The following PTPRQ variants were observed in gnomAD, a reference collection of about 807,000 sequenced individuals.
The protein encoded by PTPRQ is phosphatidylinositol phosphatase PTPRQ.
In PTPRQ, 199 loss-of-function variants were observed where a neutral mutation model predicts 246.0. The ratio of observed to expected loss-of-function variants is 0.81; its 90% CI spans 0.72 to 0.91. The LOEUF is 0.91. Among genes scored for constraint, PTPRQ ranks in the 40% least tolerant of loss-of-function variants. The pLI, the probability that PTPRQ is intolerant of heterozygous loss-of-function variation, is 0.00. For synonymous variants in PTPRQ, 869 were observed against 853.2 expected (o/e 1.02, Z -0.32); for missense variants, 2,624 against 2,528.4 (o/e 1.04, Z -0.81).
chr12:80,568,076 G>T (rs1240708059), intron 25 of PTPRQ, among the ~76,000 whole-genome samples: 1 of 152,106 alleles, frequency 6.6e-6, no homozygotes, highest in Non-Finnish European at 1.5e-5. Context: ...ACTAAAAAAT[G>T]ATTATAGAAA....
At chr12:80,659,010 T>C (rs1367201937) in intron 39 of PTPRQ, among the ~76,000 whole-genome samples, 1 of 152,034 alleles carries the variant, frequency 6.6e-6, no homozygotes, top group Non-Finnish European at 1.5e-5. Context: ...CTAAATCTGA[T>C]ATTGGTTGAT....
intron 30 of PTPRQ, among the ~76,000 whole-genome samples, chr12:80,618,564 T>C (rs1898855763): frequency 6.6e-6 from 1 of 151,612 alleles, no homozygotes; most frequent in Non-Finnish European, 1.5e-5. Context: ...GTTCTAGAAA[T>C]TCTGCTCTTA....
At chr12:80,678,273 A>G (rs932674693) in intron 43 of PTPRQ, among the ~76,000 whole-genome samples, 1 of 152,198 alleles carries the variant, frequency 6.6e-6, no homozygotes, top group African/African-American at 2.4e-5. Context: ...GAATTTACCA[A>G]TTAGGTCTAA....
chr12:80,525,674 CTCTCTCTG>C (rs1895663747), intron 17 of PTPRQ, among the ~76,000 whole-genome samples: 1 of 151,920 alleles, frequency 6.6e-6, no homozygotes, highest in Non-Finnish European at 1.5e-5. Flanking sequence ...CTCTCTCTCT[CTCTCTCTG>C]TCTCTGTCAC....
chr12:80,569,265 T>C (rs954426344), intron 25 of PTPRQ, among the ~76,000 whole-genome samples: 3 of 151,502 alleles, frequency 2.0e-5, no homozygotes, highest in African/African-American at 7.3e-5. Context: ...TCCAATTTCA[T>C]CCATGTCCCT....
intron 35 of PTPRQ, among the ~76,000 whole-genome samples, chr12:80,642,942 A>C (rs28716619): frequency 6.6e-6 from 1 of 150,516 alleles, no homozygotes; most frequent in Non-Finnish European, 1.5e-5. Context: ...AAAAAAAAAA[A>C]AAAACAATTG....
In PTPRQ at chr12:80,468,814, A is replaced by G. The variant is rs1245108213; in HGVS notation, c.1015A>G (p.Arg339Gly). The G allele has an allele frequency of 3.7e-5, 57 of 1,549,606 alleles. No individual in the cohort carries two copies. The highest frequency in any genetic ancestry group is 4.5e-5 in the Non-Finnish European group (52 of 1,146,120). ...PTIVTGKFSY[R>G]VELYGPSGRI... ...TATAGTAACAGGGAAATTTAGTTAT[A>G]GAGTTGAATTATATGGACCATCAGG... Residue 339 changes from arginine to glycine, a missense_variant, in exon 7 of 45, where the codon AGA becomes GGA. Physicochemically the swap from Arg to Gly is moderately radical, Grantham distance 125. Transcript: ENST00000644991.
rs1001417115 is a variant in PTPRQ, at chr12:80,669,119, C to T, written c.6305C>T (p.Thr2102Ile). 5 of 1,546,790 alleles carry T rather than the reference C, an allele frequency of 3.2e-6. No individual in the cohort carries two copies. Among genetic ancestry groups the T allele is most frequent in the Non-Finnish European group, 4.4e-6 (5 of 1,145,074 alleles). ...AGAGCAAAAACATTAGTAATGCTAA[C>T]ACAGTGTTTTGAAAAAGGACGGGTA... ...ETRAKTLVML[T>I]QCFEKGRIRC... Residue 2102 changes from threonine (T) to isoleucine (I), a missense_variant, in exon 40 of 45, where the codon ACA becomes ATA. By Grantham distance (89) the Thr-to-Ile change is moderately conservative (BLOSUM62 -1). Coordinates refer to ENST00000644991, the MANE Select transcript of PTPRQ (RefSeq NM_001145026.2).
At chr12:80,490,143 T>C (rs1894401083) in intron 9 of PTPRQ, among the ~76,000 whole-genome samples, 2 of 151,966 alleles carry the variant, frequency 1.3e-5, no homozygotes, top group South Asian at 2.1e-4. Flanking sequence ...ACCTGAATAA[T>C]GTGTTGAATG....
At chr12:80,572,402 TA>T (rs1019108466) in intron 25 of PTPRQ, among the ~76,000 whole-genome samples, 35 of 152,148 alleles carry the variant, frequency 2.3e-4, no homozygotes, top group East Asian at 2.1e-3. Flanking sequence ...TCTGGAATGT[TA>T]AAAAAATTTA....
At chr12:80,619,642 C>A in intron 31 of PTPRQ, 100 bp downstream of exon 31, 2 of 985,044 alleles carry the variant, frequency 2.0e-6, no homozygotes, top group Non-Finnish European at 2.7e-6. Flanking sequence ...CCAGTTATCA[C>A]ACACCTCTTG....
intron 10 of PTPRQ, 81 bp from the exon 11 acceptor site, chr12:80,494,852 T>C (rs1055543907): frequency 2.8e-6 from 4 of 1,421,950 alleles, no homozygotes; most frequent in Non-Finnish European, 3.7e-6. Context: ...AGGTTTAAGA[T>C]TTTATAGTCT....
At chr12:80,462,557 GCCT>G (rs1277149376) in intron 6 of PTPRQ, 2 of 151,464 alleles carry the variant, frequency 1.3e-5, no homozygotes, top group African/African-American at 4.9e-5. Flanking sequence ...CGGGCAGACT[GCCT>G]CCTCAAGTGG....
intron 26 of PTPRQ, among the ~76,000 whole-genome samples, chr12:80,594,969 A>G (rs1897921026): frequency 6.6e-6 from 1 of 152,158 alleles, no homozygotes; most frequent in Non-Finnish European, 1.5e-5. Flanking sequence ...CTGCATGTTA[A>G]AACTATGCCC....
intron 17 of PTPRQ, among the ~76,000 whole-genome samples, chr12:80,532,059 A>G (rs1364072179): frequency 6.6e-6 from 1 of 152,186 alleles, no homozygotes; most frequent in Non-Finnish European, 1.5e-5. Flanking sequence ...TACAGTTGGT[A>G]GATACTTATG....
chr12:80,673,072 A>G lies in PTPRQ; in HGVS notation c.6603-97A>G, dbSNP rs950124. 509,171 of 1,450,004 alleles carry G rather than the reference A, an allele frequency of 0.35. 92,823 individuals carry two copies. The highest frequency in any genetic ancestry group is 0.61 in the African/African-American group (42,059 of 68,862). The allele number at this position is 1,450,004 out of a possible 1,614,324, so 89.8% of individuals were successfully genotyped here. ...CTGCCTCCAAATAAGAGAAGAAACT[A>G]TTAGAATTTATTGCTATCATAGCTC... On this transcript the variant is annotated intron_variant, in intron 42 of 44. Transcript: ENST00000644991.
chr12:80,517,068 C>T (rs1440254729), intron 17 of PTPRQ, among the ~76,000 whole-genome samples: 1 of 152,120 alleles, frequency 6.6e-6, no homozygotes, highest in Admixed American at 6.6e-5. Context: ...TCAACTCTTT[C>T]CTGATAGTCA....
At chr12:80,560,546 G>A (rs1896792755) in intron 25 of PTPRQ, among the ~76,000 whole-genome samples, 1 of 151,942 alleles carries the variant, frequency 6.6e-6, no homozygotes, top group South Asian at 2.1e-4. Flanking sequence ...TCTTCTGAAG[G>A]CCAAGAAAAC....
chr12:80,604,771 G>A (rs936240472), intron 26 of PTPRQ, among the ~76,000 whole-genome samples: 1 of 151,378 alleles, frequency 6.6e-6, no homozygotes, highest in African/African-American at 2.4e-5. Context: ...GTTTACTTTA[G>A]CAATAGTAAT....
Sources: gnomAD v4.1 joint callset for allele counts (sites outside exome capture counted in the v4.1 genomes callset) on GRCh38, gnomAD v4.1.1 for gene constraint, MANE v1.5 for transcripts, NCBI Gene and HGNC (gene_info 2026-07-23, HGNC 2026-07-21) for gene names.